PPP2R3C: variants seen among roughly 807,000 people sequenced by gnomAD.
PPP2R3C encodes the protein protein phosphatase 2 regulatory subunit B''gamma.
PPP2R3C carries 47 observed loss-of-function variants against 63.7 expected under a neutral mutation model. The observed-to-expected ratio is 0.74, with a 90% confidence interval of 0.58 to 0.94. The LOEUF is 0.94. PPP2R3C is among the 40% of genes least tolerant of loss of function. The pLI is 0.00. For missense variants in PPP2R3C, 421 were observed against 518.4 expected, an observed-to-expected ratio of 0.81 and a Z score of 1.82; for synonymous variants, 180 against 177.4, an observed-to-expected ratio of 1.01 and a Z score of -0.12.
Position 35,091,129 on chromosome 14 carries a change from G to C in PPP2R3C, c.1054C>G (p.Leu352Val). Residue 352 changes from leucine (L) to valine (V), a missense_variant, in exon 11 of 13, where the codon CTG becomes GTG. By Grantham distance (32) the Leu-to-Val change is conservative. Around this residue, in one of 3 missense-constraint regions of PPP2R3C, gnomAD observed 231 missense variants for 264.8 expected, o/e 0.87. Coordinates refer to ENST00000261475, the MANE Select transcript of PPP2R3C (RefSeq NM_017917.4). ...EPAALQYIFK[L>V]LDIENKGYLN... is the part of the protein sequence containing the mutation. ...TATCCTTTGTTCTCAATATCAAGCA[G>C]TTTGAAAATATATTGTAGAGCTGCA... 1 of 1,608,090 alleles carries C rather than the reference G, an allele frequency of 6.2e-7. No homozygotes were observed. The highest frequency in any genetic ancestry group is 8.5e-7 in the Non-Finnish European group (1 of 1,175,704).
intron 12 of PPP2R3C, 48 bp downstream of exon 12, chr14:35,087,903 A>ACTAT: frequency 7.3e-7 from 1 of 1,372,344 alleles, no homozygotes; most frequent in Non-Finnish European, 1.0e-6. Context: ...AATACAAATG[A>ACTAT]CTATCTCATA....
chr14:35,116,241 T>C (rs896184025), intron 2 of PPP2R3C, among the ~76,000 whole-genome samples: 2 of 150,088 alleles, frequency 1.3e-5, no homozygotes, highest in Admixed American at 1.3e-4. Flanking sequence ...GTCCTATTTT[T>C]AAAACTACTT....
chr14:35,111,069 T>C (rs906618456), intron 2 of PPP2R3C, among the ~76,000 whole-genome samples: 2 of 151,886 alleles, frequency 1.3e-5, no homozygotes, highest in African/African-American at 4.8e-5. Context: ...ACCCCGTCTC[T>C]ACTAAAAATA....
intron 10 of PPP2R3C, among the ~76,000 whole-genome samples, chr14:35,091,731 A>T (rs532704989): frequency 3.4e-5 from 5 of 148,662 alleles, no homozygotes; most frequent in Non-Finnish European, 7.4e-5. Flanking sequence ...TTATTTATTT[A>T]TTTTTTTGAG....
Position 35,121,915 on chromosome 14 carries a change from G to A in PPP2R3C, c.45C>T (p.Asn15=), listed in dbSNP as rs1566433951. 1 of 1,614,174 alleles carries A rather than the reference G, an allele frequency of 6.2e-7. No homozygotes were observed. Among genetic ancestry groups the A allele is most frequent in the Non-Finnish European group, 8.5e-7 (1 of 1,180,024 alleles). The change falls in exon 1 of 13, where the codon AAC becomes AAT. Residue 15 remains asparagine (N), a synonymous_variant. Coordinates refer to ENST00000261475, the MANE Select transcript of PPP2R3C (RefSeq NM_017917.4). ...EVLRRRLATP[N]TCPNKKKSEQ... The stretch of plus-strand genomic sequence containing the variant: ...CCCAAAACTCACTGTTTGGACAGGT[G>A]TTGGGCGTCGCTAGGCGCCGACGAA...
chr14:35,110,529 A>C lies in PPP2R3C; in HGVS notation c.287T>G (p.Leu96Ter). Residue 96 changes from leucine (L) to a stop codon, truncating the protein, a stop_gained, in exon 3 of 13, where the codon TTA (leucine) becomes TGA (stop). Transcript: ENST00000261475. LOFTEE classifies it high-confidence loss of function. Reference protein sequence around the residue: ...KSRELLDNEELQNLWFLLDKH... With the variant: ...KSRELLDNEE ...AACTTTTTGCTTTGTTCTTACCTGT[A>C]ATTCTTCATTATCTAACAGTTCTCT... 2.5e-6 allele frequency: 4 copies of C among 1,594,464 alleles called. No individual in the cohort carries two copies. Among genetic ancestry groups the C allele is most frequent in the Non-Finnish European group, 3.4e-6 (4 of 1,166,116 alleles).
intron 10 of PPP2R3C, 111 bp downstream of exon 10, chr14:35,094,937 G>A: frequency 8.2e-7 from 1 of 1,213,592 alleles, no homozygotes; most frequent in South Asian, 1.5e-5. Flanking sequence ...CTAGGCGACA[G>A]AGCAAGACTC....
chr14:35,104,553 C>T (rs1318887477), intron 6 of PPP2R3C, among the ~76,000 whole-genome samples: 1 of 151,978 alleles, frequency 6.6e-6, no homozygotes, highest in Non-Finnish European at 1.5e-5. Context: ...AAAGTAAGTC[C>T]ATATAATTTA....
intron 7 of PPP2R3C, among the ~76,000 whole-genome samples, chr14:35,098,456 C>T (rs1169146580): frequency 2.0e-5 from 3 of 148,438 alleles, no homozygotes; most frequent in African/African-American, 7.4e-5. Context: ...AAGCAATTCT[C>T]CTGCCTCAGC....
intron 6 of PPP2R3C, among the ~76,000 whole-genome samples, chr14:35,103,463 T>A (rs1303131521): frequency 6.6e-6 from 1 of 152,222 alleles, no homozygotes; most frequent in African/African-American, 2.4e-5. Context: ...TCAATCCCAG[T>A]CATATTCCTG....
In PPP2R3C at chr14:35,114,221, C is replaced by A. The variant is rs576715968; in HGVS notation, c.186+2389G>T. Among the ~76,000 whole-genome samples, 338 of 152,242 alleles carry A rather than the reference C, an allele frequency of 2.2e-3. 2 individuals are homozygous for A. The highest frequency in any genetic ancestry group is 2.5e-3 in the Non-Finnish European group (172 of 68,016). Reference sequence around the variant, plus strand: ...ACCCACAGAAATATGTAGAAAGATTCATATAAAATGTTCTGTTTACATTGT... The same window carrying A: ...ACCCACAGAAATATGTAGAAAGATTAATATAAAATGTTCTGTTTACATTGT... On this transcript the variant is annotated intron_variant, in intron 2 of 12. Coordinates refer to ENST00000261475, the MANE Select transcript of PPP2R3C (RefSeq NM_017917.4).
rs2046006471 is a variant in PPP2R3C, at chr14:35,096,618, G to A, written c.778C>T (p.Leu260=). 3 of 1,613,786 alleles carry A rather than the reference G, an allele frequency of 1.9e-6. No homozygotes were observed. Among genetic ancestry groups the A allele is most frequent in the Non-Finnish European group, 2.5e-6 (3 of 1,179,872 alleles). ...DDLLELRDEE[L]SKESQETNWF... is the part of the protein sequence containing the mutation. The stretch of plus-strand genomic sequence containing the variant: ...TTTGTTTCTTGACTCTCCTTGGACA[G>A]TTCCTCATCCCTTAGCTAATGGAAC... The change falls in exon 9 of 13, where the codon CTG becomes TTG. Residue 260 remains leucine (L), a synonymous_variant. Coordinates refer to ENST00000261475, the MANE Select transcript of PPP2R3C (RefSeq NM_017917.4).
At chr14:35,092,530 G>A (rs748545549) in intron 10 of PPP2R3C, among the ~76,000 whole-genome samples, 3 of 151,918 alleles carry the variant, frequency 2.0e-5, no homozygotes, top group Non-Finnish European at 4.4e-5. Flanking sequence ...GCAATGGCGC[G>A]ATCCTGGCTC....
intron 10 of PPP2R3C, 26 bp from the exon 11 acceptor site, chr14:35,091,233 T>G: frequency 6.4e-7 from 1 of 1,559,960 alleles, no homozygotes; most frequent in Non-Finnish European, 8.7e-7. Context: ...TAATGTTCAT[T>G]AGAGGCCTTA....
chr14:35,088,320 G>C (rs2045676662), intron 11 of PPP2R3C, among the ~76,000 whole-genome samples: 2 of 152,156 alleles, frequency 1.3e-5, no homozygotes, highest in Non-Finnish European at 2.9e-5. Context: ...CAGGCCCTCA[G>C]CATGGCCTCA....
At chr14:35,089,048 T>C (rs182011472) in intron 11 of PPP2R3C, among the ~76,000 whole-genome samples, 2 of 152,192 alleles carry the variant, frequency 1.3e-5, no homozygotes, top group East Asian at 1.9e-4. Context: ...CTATGATGGG[T>C]TGGTATTTAT....
chr14:35,101,874 G>A (rs1026387184), intron 6 of PPP2R3C: 37 of 152,026 alleles, frequency 2.4e-4, no homozygotes, highest in African/African-American at 8.9e-4. Context: ...CCAGTTTGTT[G>A]TTTTCTTTTT....
intron 6 of PPP2R3C, among the ~76,000 whole-genome samples, chr14:35,105,560 TTTA>T (rs1319130412): frequency 6.6e-6 from 1 of 152,082 alleles, no homozygotes; most frequent in Non-Finnish European, 1.5e-5. Flanking sequence ...TAAACATTTG[TTTA>T]GTAACACATG....
intron 6 of PPP2R3C, chr14:35,102,742 A>C (rs181297407): frequency 6.6e-6 from 1 of 152,228 alleles, no homozygotes; most frequent in East Asian, 1.9e-4. Flanking sequence ...AGGTGCCTAA[A>C]TATTTTGCTT....
Sources: gnomAD v4.1 joint callset for allele counts (sites outside exome capture counted in the v4.1 genomes callset) on GRCh38, gnomAD v4.1.1 for gene constraint, gnomAD v4.1.1 regional missense constraint, MANE v1.5 for transcripts, NCBI Gene and HGNC (gene_info 2026-07-23, HGNC 2026-07-21) for gene names.